Variants in TRPM7 observed in about 807,000 individuals in gnomAD.
The protein encoded by TRPM7 is LTRPC ion channel family member 7.
TRPM7 carries 134 observed loss-of-function variants against 229.7 expected under a neutral mutation model. The ratio of observed to expected loss-of-function variants is 0.58; its 90% CI spans 0.51 to 0.67. The LOEUF is 0.67. Ranked by LOEUF, TRPM7 falls within the 30% of genes least tolerant of loss-of-function variation. The pLI is 0.00. For missense variants in TRPM7, 1,901 were observed against 2,210.0 expected (o/e 0.86, Z 2.80); for synonymous variants, 699 against 715.2 (o/e 0.98, Z 0.36).
intron 3 of TRPM7, among the ~76,000 whole-genome samples, chr15:50,653,268 T>C (rs1026667627): frequency 2.0e-5 from 3 of 152,182 alleles, no homozygotes; most frequent in Non-Finnish European, 2.9e-5. Flanking sequence ...CTTGGCAATA[T>C]AGTGAGACCC....
At chr15:50,642,859 G>A (rs972425723) in intron 5 of TRPM7, among the ~76,000 whole-genome samples, 1 of 147,040 alleles carries the variant, frequency 6.8e-6, no homozygotes, top group Non-Finnish European at 1.5e-5. Flanking sequence ...AAAGTGTTGC[G>A]TTTTTTTTTT....
chr15:50,605,860 T>C lies in TRPM7; in HGVS notation c.2710-716A>G, dbSNP rs111936796. Among the ~76,000 whole-genome samples the C allele has an allele frequency of 3.4e-3, 520 of 152,218 alleles. 2 individuals carry two copies. Among genetic ancestry groups the C allele is most frequent in the African/African-American group, 0.012 (495 of 41,524 alleles). ...TAAAACAACAGATTTAATAAACATA[T>C]GGATCATAACACTCAGAGGAATTTA... On this transcript the variant is annotated intron_variant, in intron 20 of 38. Coordinates refer to ENST00000646667, the MANE Select transcript of TRPM7 (RefSeq NM_017672.6).
chr15:50,680,017 T>C (rs2062207758), intron 1 of TRPM7, among the ~76,000 whole-genome samples: 1 of 151,958 alleles, frequency 6.6e-6, no homozygotes, highest in South Asian at 2.1e-4. Context: ...GTGGATCACT[T>C]GAGGTCAGGA....
intron 1 of TRPM7, among the ~76,000 whole-genome samples, chr15:50,670,500 A>T (rs1166132662): frequency 3.3e-5 from 5 of 152,142 alleles, no homozygotes; most frequent in African/African-American, 1.2e-4. Flanking sequence ...TTATATGCTA[A>T]TTATAATGTA....
At position 50,592,631 on chromosome 15, in the gene TRPM7, A is replaced by G; in HGVS notation, c.3609-5T>C. The G allele has an allele frequency of 6.6e-7, 1 of 1,514,200 alleles. No homozygotes were observed. The highest frequency in any genetic ancestry group is 2.3e-5 in the East Asian group (1 of 43,674). The allele number at this position is 1,514,200 out of a possible 1,614,324, so 93.8% of individuals were successfully genotyped here. A position where few individuals can be genotyped will look rare whatever the true frequency, so the allele number is the denominator to read the frequency against. On this transcript the variant is annotated splice_region_variant and splice_polypyrimidine_tract_variant and intron_variant, in intron 25 of 38. Transcript: ENST00000646667. ...TGAATGCACATCTGTTCCACTCTGT[A>G]GGAGAGAAATAAGCTTTTTTTACAA... is the stretch of plus-strand genomic sequence containing the variant.
At chr15:50,584,900 G>A (rs964250545) in intron 28 of TRPM7, among the ~76,000 whole-genome samples, 8 of 151,600 alleles carry the variant, frequency 5.3e-5, no homozygotes, top group African/African-American at 1.7e-4. Flanking sequence ...ATGGAGTCTC[G>A]CTCCCATTCC....
At position 50,609,940 on chromosome 15, in the gene TRPM7, G is replaced by C; in HGVS notation, c.2302C>G (p.Pro768Ala). ...WYKVILSILVPPAILLLEYKT... is the reference protein window; with the variant it reads ...WYKVILSILVAPAILLLEYKT... ...TACTCTAACAGCAATATGGCAGGTG[G>C]AACTAAAATGCTTAGTATGACCTAA... Residue 768 changes from proline (P) to alanine (A), a missense_variant, in exon 18 of 39, where the codon CCA becomes GCA. By Grantham distance (27) the Pro-to-Ala change is conservative. Transcript: ENST00000646667. 1 of 1,605,308 alleles carries C rather than the reference G, an allele frequency of 6.2e-7. No homozygotes were observed. The highest frequency in any genetic ancestry group is 8.5e-7 in the Non-Finnish European group (1 of 1,175,910).
At chr15:50,627,413 G>A (rs560630346) in intron 11 of TRPM7, among the ~76,000 whole-genome samples, 2 of 152,200 alleles carry the variant, frequency 1.3e-5, no homozygotes, top group South Asian at 4.1e-4. Context: ...GGTATGTAGG[G>A]AAAAATGTTA....
At chr15:50,598,571 G>C (rs1401309511) in intron 22 of TRPM7, among the ~76,000 whole-genome samples, 1 of 152,118 alleles carries the variant, frequency 6.6e-6, no homozygotes, top group Non-Finnish European at 1.5e-5. Context: ...AATGATCTAC[G>C]CTAATCATGG....
rs184476152 is a variant in TRPM7 at position 50,582,784 on chromosome 15, T to C, written c.4557+305A>G. On this transcript the variant is annotated intron_variant, in intron 29 of 38. Coordinates refer to ENST00000646667, the MANE Select transcript of TRPM7 (RefSeq NM_017672.6). ...CTGAGCTTTTTGTCTTGTCAGTGTG[T>C]GCTTTTAAAGGGAATTTGCAAAATC... 7.7e-4 allele frequency among the ~76,000 whole-genome samples: 118 copies of C among 152,332 alleles called. 1 individual carries two copies. Among genetic ancestry groups the C allele is most frequent in the Non-Finnish European group, 1.0e-4 (7 of 68,028 alleles).
intron 19 of TRPM7, among the ~76,000 whole-genome samples, chr15:50,608,129 A>AT (rs1435654438): frequency 6.6e-6 from 1 of 151,950 alleles, no homozygotes; most frequent in Non-Finnish European, 1.5e-5. Flanking sequence ...GACAACTGGT[A>AT]TTTTCTTAGC....
In TRPM7 at chr15:50,624,776, T is replaced by C. The variant is rs146928498; in HGVS notation, c.1306-476A>G. ...CCGCATCCCACACAACTTTTTATTA[T>C]CCTGTTAGATGTTTATGACTGAAAA... On this transcript the variant is annotated intron_variant, in intron 11 of 38. Coordinates refer to ENST00000646667, the MANE Select transcript of TRPM7 (RefSeq NM_017672.6). Among the ~76,000 whole-genome samples, 625 of 152,338 alleles carry C rather than the reference T, an allele frequency of 4.1e-3. 5 individuals are homozygous for C. Among genetic ancestry groups the C allele is most frequent in the African/African-American group, 0.014 (596 of 41,576 alleles).
intron 29 of TRPM7, among the ~76,000 whole-genome samples, chr15:50,581,499 GAA>G (rs145643970): frequency 5.5e-5 from 8 of 145,760 alleles, no homozygotes; most frequent in Non-Finnish European, 1.1e-4. Context: ...ACTCCATCTC[GAA>G]AAAAAAAATA....
At chr15:50,589,088 G>C (rs537294448) in intron 27 of TRPM7, among the ~76,000 whole-genome samples, 1 of 152,274 alleles carries the variant, frequency 6.6e-6, no homozygotes, top group Admixed American at 6.5e-5. Context: ...TTGGGAAGCC[G>C]AGGCAGGCGG....
intron 26 of TRPM7, among the ~76,000 whole-genome samples, chr15:50,591,126 TTC>T (rs1596122053): frequency 6.6e-6 from 1 of 152,230 alleles, no homozygotes; most frequent in East Asian, 1.9e-4. Flanking sequence ...TTTTGAAATG[TTC>T]TCTGTGAATA....
intron 6 of TRPM7, among the ~76,000 whole-genome samples, chr15:50,638,346 G>GA (rs1261738790): frequency 9.0e-6 from 1 of 111,598 alleles, no homozygotes; most frequent in African/African-American, 3.6e-5. Flanking sequence ...GCGACAGAGC[G>GA]AGACTCCGTC....
chr15:50,588,188 T>C, intron 27 of TRPM7: 1 of 982,370 alleles, frequency 1.0e-6, no homozygotes, highest in Non-Finnish European at 1.2e-6. Context: ...AAAGAGACTT[T>C]ACCTCATATT....
intron 1 of TRPM7, among the ~76,000 whole-genome samples, chr15:50,678,527 T>A (rs969708657): frequency 7.8e-4 from 109 of 139,848 alleles, no homozygotes; most frequent in Middle Eastern, 7.1e-3. Context: ...AATATATATA[T>A]ATATATATAT....
intron 10 of TRPM7, among the ~76,000 whole-genome samples, chr15:50,629,138 C>T (rs576861246): frequency 2.4e-4 from 37 of 152,210 alleles, no homozygotes; most frequent in African/African-American, 7.7e-4. Context: ...TTCTAGAAGT[C>T]AAATTGCTAG....
Sources: gnomAD v4.1 joint callset for allele counts (sites outside exome capture counted in the v4.1 genomes callset) on GRCh38, gnomAD v4.1.1 for gene constraint, MANE v1.5 for transcripts, NCBI Gene and HGNC (gene_info 2026-07-23, HGNC 2026-07-21) for gene names.